KTN1: variants seen among roughly 807,000 people sequenced by gnomAD.
KTN1 encodes kinectin 1.
In KTN1, 130 loss-of-function variants were observed where a neutral mutation model predicts 222.5. The ratio of observed to expected loss-of-function variants is 0.58; its 90% CI spans 0.51 to 0.68. KTN1 has a LOEUF of 0.68. KTN1 is among the 30% of genes least tolerant of loss of function. The pLI, the probability that KTN1 is intolerant of heterozygous loss-of-function variation, is 0.00. For missense variants in KTN1, 1,508 were observed against 1,500.4 expected (o/e 1.01, Z -0.08); for synonymous variants, 512 against 496.3 (o/e 1.03, Z -0.42).
intron 32 of KTN1, among the ~76,000 whole-genome samples, chr14:55,662,697 T>C (rs1308564695): frequency 6.6e-6 from 1 of 152,208 alleles, no homozygotes; most frequent in Non-Finnish European, 1.5e-5. Context: ...GTGTGTTTTC[T>C]GTTTTTCAAA....
intron 5 of KTN1, 42 bp downstream of exon 5, chr14:55,619,354 A>C (rs957837794): frequency 1.3e-6 from 2 of 1,597,590 alleles, no homozygotes; most frequent in Non-Finnish European, 1.7e-6. Context: ...ATGACCAGTC[A>C]TTAGAAGTTC....
At chr14:55,620,146 T>C (rs2038945505) in intron 5 of KTN1, among the ~76,000 whole-genome samples, 1 of 152,206 alleles carries the variant, frequency 6.6e-6, no homozygotes, top group Non-Finnish European at 1.5e-5. Flanking sequence ...CAATATGATC[T>C]CCTTTGACTC....
Position 55,636,457 on chromosome 14 carries a change from A to G in KTN1, c.1470A>G (p.Leu490=). Reference sequence around the variant, plus strand: ...CCTTTTAAAATACCAAGGTTCAACTACAAGAAGCTGAGAGAAGGTGGGAAG... The same window carrying G: ...CCTTTTAAAATACCAAGGTTCAACTGCAAGAAGCTGAGAGAAGGTGGGAAG... ...EQAATQLKVQ[L]QEAERRWEEV... Residue 490 remains leucine, a synonymous_variant, in exon 10 of 44, where the codon CTA becomes CTG. Coordinates refer to ENST00000395314, the MANE Select transcript of KTN1 (RefSeq NM_001079521.2). 1 of 1,608,890 alleles carries G rather than the reference A, an allele frequency of 6.2e-7. No individual in the cohort carries two copies. The highest frequency in any genetic ancestry group is 8.5e-7 in the Non-Finnish European group (1 of 1,177,000).
intron 1 of KTN1, among the ~76,000 whole-genome samples, chr14:55,605,700 A>G (rs1594795815): frequency 1.3e-5 from 2 of 152,310 alleles, no homozygotes; most frequent in Non-Finnish European, 1.5e-5. Flanking sequence ...CTGCCTCATT[A>G]TATTGCTATT....
Position 55,667,408 on chromosome 14 carries a change from C to T in KTN1, c.3267+78C>T, listed in dbSNP as rs186630972. ...TGAATAAGCAACATCATTTGCACTC[C>T]ACTTGGTTTCAGTAGAGTGCTGATT... On this transcript the variant is annotated intron_variant, in intron 34 of 43. Transcript: ENST00000395314. 26 of 765,304 alleles carry T rather than the reference C, an allele frequency of 3.4e-5. No homozygotes were observed. The Admixed American group carries it at 5.4e-4, about 16-fold the overall frequency. 47.4% of individuals were successfully genotyped at this position (765,304 alleles called of 1,614,324 possible).
At position 55,636,561 on chromosome 14, in the gene KTN1, A is replaced by G. The variant is rs761536278; in HGVS notation, c.1549+25A>G. The G allele has an allele frequency of 1.5e-4, 229 of 1,544,164 alleles. 2 individuals carry two copies. Among genetic ancestry groups the G allele is most frequent in the Admixed American group, 2.9e-4 (16 of 54,890 alleles). ...GGTAAGGGGAAGAAGTATTCATGTA[A>G]ACTTTGTATATAATTTTGGGTAAAA... is the stretch of plus-strand genomic sequence containing the variant. On this transcript the variant is annotated intron_variant, in intron 10 of 43. Coordinates refer to ENST00000395314, the MANE Select transcript of KTN1 (RefSeq NM_001079521.2).
chr14:55,684,077 C>A (rs369401914), intron 43 of KTN1, 22 bp from the exon 44 acceptor site: 15 of 1,591,956 alleles, frequency 9.4e-6, no homozygotes, highest in Middle Eastern at 1.7e-4. Flanking sequence ...AAGTGAAATT[C>A]ATTCTTTCTG....
intron 32 of KTN1, chr14:55,663,464 A>C (rs963561928): frequency 6.1e-6 from 1 of 163,632 alleles, no homozygotes; most frequent in South Asian, 1.7e-4. Context: ...GTGGGTTACT[A>C]TGGGATTCCT....
intron 1 of KTN1, among the ~76,000 whole-genome samples, chr14:55,592,862 A>C (rs985808051): frequency 4.6e-5 from 7 of 152,202 alleles, no homozygotes; most frequent in Admixed American, 4.6e-4. Context: ...TGAGGAATCA[A>C]ATCTTTAATT....
intron 16 of KTN1, 23 bp downstream of exon 16, chr14:55,640,993 A>G (rs775807146): frequency 5.7e-6 from 9 of 1,584,002 alleles, no homozygotes; most frequent in Non-Finnish European, 7.8e-6. Flanking sequence ...TTGTACATCT[A>G]GTCGTTCATA....
chr14:55,675,218 A>G (rs904860756), intron 40 of KTN1: 8 of 152,232 alleles, frequency 5.3e-5, no homozygotes, highest in Non-Finnish European at 1.2e-4. Flanking sequence ...TTGGAAAATC[A>G]GAGAAGCGGC....
intron 27 of KTN1, 99 bp from the exon 28 acceptor site, chr14:55,653,460 T>C (rs3736876): frequency 0.075 from 64,373 of 857,418 alleles, 2,812 homozygotes; most frequent in Non-Finnish European, 0.091. Context: ...TATAATTATG[T>C]TTTTGTTTTT....
chr14:55,603,143 G>A (rs1594782575), intron 1 of KTN1, among the ~76,000 whole-genome samples: 1 of 151,078 alleles, frequency 6.6e-6, no homozygotes, highest in Non-Finnish European at 1.5e-5. Context: ...CTGCATCATT[G>A]TTCTTTCCCT....
chr14:55,617,182 T>C (rs201437187), intron 3 of KTN1, among the ~76,000 whole-genome samples: 2 of 152,112 alleles, frequency 1.3e-5, no homozygotes, highest in Admixed American at 6.5e-5. Context: ...TTATGACATA[T>C]CAATTAGGTA....
At chr14:55,641,655 T>G (rs779507561) in intron 17 of KTN1, 37 bp from the exon 18 acceptor site, 2 of 1,288,020 alleles carry the variant, frequency 1.6e-6, no homozygotes, top group Non-Finnish European at 2.3e-6. Flanking sequence ...TTACCTTTTT[T>G]CTTAATAAAA....
chr14:55,654,306 G>C (rs1456254284), intron 28 of KTN1, among the ~76,000 whole-genome samples: 1 of 151,876 alleles, frequency 6.6e-6, no homozygotes, highest in East Asian at 1.9e-4. Context: ...GTTTTAAACT[G>C]TCAAGATATT....
chr14:55,600,000 G>T (rs1235780611), intron 1 of KTN1, among the ~76,000 whole-genome samples: 1 of 151,752 alleles, frequency 6.6e-6, no homozygotes, highest in African/African-American at 2.4e-5. Context: ...TCTTGGACAA[G>T]AATTAAAAAT....
intron 12 of KTN1, among the ~76,000 whole-genome samples, chr14:55,638,950 A>G (rs1481763806): frequency 6.6e-6 from 1 of 151,778 alleles, no homozygotes; most frequent in African/African-American, 2.4e-5. Context: ...AGGCCTGTCA[A>G]CTTGTTTTAT....
In KTN1 at chr14:55,618,096, A is replaced by G; in HGVS notation, c.794A>G (p.Lys265Arg). The G allele has an allele frequency of 6.2e-7, 1 of 1,612,416 alleles. No individual in the cohort carries two copies. Among genetic ancestry groups the G allele is most frequent in the Non-Finnish European group, 8.5e-7 (1 of 1,179,278 alleles). Residue 265 changes from lysine (K) to arginine (R), a missense_variant, in exon 4 of 44, where the codon AAA (lysine) becomes AGA (arginine). Coordinates refer to ENST00000395314, the MANE Select transcript of KTN1 (RefSeq NM_001079521.2). ...LKPDQVEGIQ[K>R]SGTKKLKTET... Reference sequence around the variant, plus strand: ...CCTGACCAAGTAGAAGGGATCCAGAAATCTGGGACTAAAAAACTGAAGACC... The same window carrying G: ...CCTGACCAAGTAGAAGGGATCCAGAGATCTGGGACTAAAAAACTGAAGACC...
Sources: gnomAD v4.1 joint callset for allele counts (sites outside exome capture counted in the v4.1 genomes callset) on GRCh38, gnomAD v4.1.1 for gene constraint, MANE v1.5 for transcripts, NCBI Gene and HGNC (gene_info 2026-07-23, HGNC 2026-07-21) for gene names.